C4orf51: variants seen among roughly 807,000 people sequenced by gnomAD.
C4orf51 encodes chromosome 4 open reading frame 51.
C4orf51 carries 25 observed loss-of-function variants against 25.2 expected under a neutral mutation model. The observed-to-expected ratio is 0.99, with a 90% CI of 0.72 to 1.39. The LOEUF (loss-of-function observed/expected upper bound fraction) is 1.39, where lower values mean the gene tolerates loss of function less well. C4orf51 is among the 40% of genes most tolerant of loss of function. C4orf51 has a pLI of 0.00. For synonymous variants in C4orf51, 100 were observed against 84.5 expected (o/e 1.18, Z -1.01); for missense variants, 252 against 239.6 (o/e 1.05, Z -0.34).
At chr4:145,707,323 C>T (rs1347539589) in intron 2 of C4orf51, among the ~76,000 whole-genome samples, 1 of 152,218 alleles carries the variant, frequency 6.6e-6, no homozygotes, top group Non-Finnish European at 1.5e-5. Context: ...AAATCATTTT[C>T]CTTCCATTAG....
rs1734758546 is a variant in C4orf51, at chr4:145,762,941, C to T, written n.167-8047C>T. ...GAGAGGTGTTCAGCAGAGCCCAACA[C>T]AACCAAGTGCACCGTGCACGGCCTC... On this transcript the variant is annotated intron_variant and non_coding_transcript_variant, in intron 1 of 1. Transcript: ENST00000510096. This position sits in a 1 kb window ranked among gnomAD's most constrained non-coding sequence, Gnocchi z 4.9. 1.4e-6 allele frequency: 1 copy of T among 718,168 alleles called. No homozygotes were observed. Among genetic ancestry groups the T allele is most frequent in the Non-Finnish European group, 2.3e-6 (1 of 442,124 alleles). The allele number at this position is 718,168 out of a possible 1,614,324, so 44.5% of individuals were successfully genotyped here. A position where few individuals can be genotyped will look rare whatever the true frequency, so the allele number is the denominator to read the frequency against.
rs1376375181 is a variant in C4orf51, at chr4:145,680,407, A to G, written c.204A>G (p.Arg68=). Residue 68 remains arginine (R), a synonymous_variant, in exon 1 of 6, where the codon AGA becomes AGG. Coordinates refer to ENST00000438731, the MANE Select transcript of C4orf51 (RefSeq NM_001080531.3). The part of the protein sequence containing the change: ...DKSMCSQFSF[R]AGQHEPECKQ... ...CCATGTGCAGCCAATTTTCTTTTAGAGCAGGACAGCATGAGCCTGAGTGTA... is the reference window on the plus strand; with the variant it reads ...CCATGTGCAGCCAATTTTCTTTTAGGGCAGGACAGCATGAGCCTGAGTGTA... 3.0e-5 allele frequency: 48 copies of G among 1,613,780 alleles called. No individual in the cohort carries two copies. The highest frequency in any genetic ancestry group is 4.1e-5 in the Non-Finnish European group (48 of 1,179,814).
the C4orf51 span, among the ~76,000 whole-genome samples, chr4:145,790,476 C>T: frequency 1.5e-4 from 23 of 152,278 alleles, no homozygotes; most frequent in African/African-American, 4.6e-4. Flanking sequence ...TAATTTACTC[C>T]TGAAATGTTG....
intron 1 of C4orf51, among the ~76,000 whole-genome samples, chr4:145,683,214 A>G (rs560944788): frequency 2.1e-4 from 32 of 152,290 alleles, no homozygotes; most frequent in African/African-American, 7.0e-4. Context: ...CAAGGTCTAT[A>G]TAAGGAAAAC....
chr4:145,787,865 C>A, the C4orf51 span, among the ~76,000 whole-genome samples: 1 of 152,096 alleles, frequency 6.6e-6, no homozygotes, highest in Admixed American at 6.5e-5. Flanking sequence ...CCCAGGGCAC[C>A]CCACATCTTG....
intron 3 of C4orf51, 124 bp from the exon 4 acceptor site, chr4:145,729,045 G>A: frequency 1.5e-6 from 1 of 684,358 alleles, no homozygotes; most frequent in South Asian, 1.8e-5. Flanking sequence ...GGTGGCTTTT[G>A]ACAGCAGTAT....
At chr4:145,707,129 C>T (rs375232671) in intron 2 of C4orf51, among the ~76,000 whole-genome samples, 23 of 151,900 alleles carry the variant, frequency 1.5e-4, no homozygotes, top group South Asian at 2.1e-4. Context: ...TTAGTAGAGA[C>T]GGAGTTTCAC....
chr4:145,785,944 C>T, the C4orf51 span, among the ~76,000 whole-genome samples: 1 of 152,132 alleles, frequency 6.6e-6, no homozygotes. Flanking sequence ...TAGAATATTT[C>T]CAGGCACAGA....
At chr4:145,686,208 T>C (rs1418177847) in intron 1 of C4orf51, among the ~76,000 whole-genome samples, 2 of 152,072 alleles carry the variant, frequency 1.3e-5, no homozygotes, top group Non-Finnish European at 2.9e-5. Context: ...AGGCAAATCA[T>C]ACAGACAAAA....
chr4:145,757,617 G>GA (rs1734048284), downstream of C4orf51: 1 of 147,892 alleles, frequency 6.8e-6, no homozygotes, highest in South Asian at 2.1e-4. Flanking sequence ...AAAAGAAAAA[G>GA]AAACAAGAGT....
At chr4:145,689,760 A>C (rs1193088088) in intron 1 of C4orf51, among the ~76,000 whole-genome samples, 1 of 152,174 alleles carries the variant, frequency 6.6e-6, no homozygotes, top group East Asian at 1.9e-4. Context: ...AAAAATAAAA[A>C]AGGAGAAAGG....
chr4:145,701,374 A>C (rs993882784), intron 2 of C4orf51, among the ~76,000 whole-genome samples: 4 of 152,220 alleles, frequency 2.6e-5, no homozygotes, highest in African/African-American at 7.2e-5. Context: ...GCTTGCTACA[A>C]GTGCCAGAAA....
intron 1 of C4orf51, chr4:145,764,811 G>T: frequency 1.3e-6 from 1 of 780,750 alleles, no homozygotes; most frequent in Non-Finnish European, 2.1e-6. Context: ...TGACACCCTA[G>T]GGGGACAGGT....
At chr4:145,764,807 C>T in intron 1 of C4orf51, 1 of 760,266 alleles carries the variant, frequency 1.3e-6, no homozygotes, top group Non-Finnish European at 2.2e-6. Context: ...CTGTTGACAC[C>T]CTAGGGGGAC....
At position 145,759,972 on chromosome 4, in the gene C4orf51, C is replaced by CACACACAGTAG. The variant is rs201201932; in HGVS notation, n.167-11009_167-11008insGTAGACACACA. The CACACACAGTAG allele has an allele frequency of 5.0e-3, 754 of 152,312 alleles. 4 individuals carry two copies. Among genetic ancestry groups the CACACACAGTAG allele is most frequent in the African/African-American group, 0.017 (713 of 41,556 alleles). 9.4% of individuals were successfully genotyped at this position (152,312 alleles called of 1,614,324 possible). ...CCGTACACATTTGTCTACGTGTGGGCACACACACAAAACACACTTAAGTTC... is the reference window on the plus strand; with the variant it reads ...CCGTACACATTTGTCTACGTGTGGGCACACACAGTAGACACACACAAAACACACTTAAGTTC... On this transcript the variant is annotated intron_variant and non_coding_transcript_variant, in intron 1 of 1. Coordinates refer to the C4orf51 transcript ENST00000510096.
chr4:145,753,140 TTGTGTGTGTG>T lies in C4orf51; in HGVS notation n.168-1037_168-1028del, dbSNP rs57325282. 1.2e-3 allele frequency among the ~76,000 whole-genome samples: 172 copies of T among 145,806 alleles called. 2 individuals are homozygous for T. In the South Asian group the frequency reaches 0.013, roughly 11 times the overall value. ...CTGATTTTTGGTCTTTATGAAGGTT[TTGTGTGTGTG>T]TGTGTGTGTGTGTGTGTGTGTGTGT... On this transcript the variant is annotated intron_variant and non_coding_transcript_variant, in intron 1 of 1. Transcript: ENST00000508981.
At chr4:145,691,975 G>GTAACATACCTGCACATGTACCC (rs1249172665) in intron 1 of C4orf51, among the ~76,000 whole-genome samples, 5 of 88,188 alleles carry the variant, frequency 5.7e-5, no homozygotes, top group African/African-American at 3.1e-4. Flanking sequence ...CTGATATACA[G>GTAACATACCTGCACATGTACCC]CTGATAGGAA....
chr4:145,733,836 G>A (rs1413049198), downstream of C4orf51, among the ~76,000 whole-genome samples: 12 of 152,248 alleles, frequency 7.9e-5, no homozygotes, highest in South Asian at 2.5e-3. Flanking sequence ...TTTTGCCCTG[G>A]CCAGCCCCAG....
At chr4:145,701,265 A>T (rs148840248) in intron 2 of C4orf51, among the ~76,000 whole-genome samples, 19,056 of 151,252 alleles carry the variant, frequency 0.13, 1,293 homozygotes, top group South Asian at 0.19. Context: ...CCTTGCCTCC[A>T]CTGTGAGACA....
Sources: allele counts gnomAD v4.1 joint callset (sites outside exome capture counted in the v4.1 genomes callset), GRCh38; gene constraint gnomAD v4.1.1; non-coding constraint Gnocchi (gnomAD v3.1); transcripts MANE v1.5; gene names NCBI Gene and HGNC (gene_info 2026-07-23, HGNC 2026-07-21).